Variants in TASP1 observed in about 807,000 individuals in gnomAD.
TASP1 encodes the protein taspase 1.
TASP1 carries 16 observed loss-of-function variants against 56.6 expected under a neutral mutation model. The observed-to-expected ratio is 0.28, with a 90% CI of 0.19 to 0.43. TASP1 has a LOEUF of 0.43. Ranked by LOEUF, TASP1 falls within the 20% of genes least tolerant of loss-of-function variation. The pLI, the probability that TASP1 is intolerant of heterozygous loss-of-function variation, is 1.00. For synonymous variants in TASP1, 179 were observed against 184.2 expected (o/e 0.97, Z 0.23); for missense variants, 393 against 511.6 (o/e 0.77, Z 2.24).
chr20:13,181,482 T>A, the TASP1 span, among the ~76,000 whole-genome samples: 1 of 152,130 alleles, frequency 6.6e-6, no homozygotes, highest in African/African-American at 2.4e-5. Context: ...ACATCTAATC[T>A]TGAGGTCTAT....
the TASP1 span, among the ~76,000 whole-genome samples, chr20:13,324,179 C>A: frequency 7.9e-4 from 121 of 152,294 alleles, no homozygotes; most frequent in African/African-American, 2.8e-3. Context: ...GCTTGTGTAC[C>A]TGTTTACAAC....
the TASP1 span, among the ~76,000 whole-genome samples, chr20:13,217,223 C>T: frequency 1.3e-5 from 2 of 152,142 alleles, no homozygotes; most frequent in East Asian, 1.9e-4. Context: ...TAATCTGAAA[C>T]GGAGGAAATT....
chr20:13,434,383 G>A (rs1208693987), intron 12 of TASP1, among the ~76,000 whole-genome samples: 3 of 151,970 alleles, frequency 2.0e-5, no homozygotes, highest in South Asian at 2.1e-4. Flanking sequence ...TGTGGTCAGC[G>A]GCAGCCCCAC....
In TASP1 at chr20:13,633,846, T is replaced by C. The variant is rs111555818; in HGVS notation, c.-74-3694A>G. On this transcript the variant is annotated intron_variant, in intron 1 of 13. Transcript: ENST00000337743. ...GGTTTAGACCAAAAAAAAAAAAAACTTCTATCAATCACTTTAATAATGGCT... is the reference window on the plus strand; with the variant it reads ...GGTTTAGACCAAAAAAAAAAAAAACCTCTATCAATCACTTTAATAATGGCT... Among the ~76,000 whole-genome samples, 1,146 of 151,792 alleles carry C rather than the reference T, an allele frequency of 7.5e-3. 10 individuals are homozygous for C. Among genetic ancestry groups the C allele is most frequent in the Middle Eastern group, 0.01 (3 of 294 alleles).
the TASP1 span, among the ~76,000 whole-genome samples, chr20:13,232,107 G>A: frequency 2.6e-5 from 4 of 152,212 alleles, no homozygotes; most frequent in African/African-American, 9.6e-5. Flanking sequence ...CTGGGAGATG[G>A]CAGTGAGGAC....
At chr20:13,490,624 G>T (rs1364318573) in intron 10 of TASP1, among the ~76,000 whole-genome samples, 1 of 152,044 alleles carries the variant, frequency 6.6e-6, no homozygotes, top group African/African-American at 2.4e-5. Context: ...AGGACAGCTT[G>T]CACATTTTAT....
the TASP1 span, among the ~76,000 whole-genome samples, chr20:13,114,622 GA>G: frequency 3.9e-5 from 6 of 152,318 alleles, no homozygotes; most frequent in African/African-American, 1.4e-4. Context: ...TAAGGATTGA[GA>G]ACTTCAGTGG....
chr20:13,507,797 G>T (rs1179337818), intron 10 of TASP1, among the ~76,000 whole-genome samples: 1 of 152,092 alleles, frequency 6.6e-6, no homozygotes, highest in Non-Finnish European at 1.5e-5. Flanking sequence ...GAAAAACAAG[G>T]GTGGAAGCAT....
chr20:13,621,350 G>C (rs560513623), intron 4 of TASP1, among the ~76,000 whole-genome samples: 18 of 152,150 alleles, frequency 1.2e-4, no homozygotes, highest in Admixed American at 4.6e-4. Context: ...AGAATCACTT[G>C]AGCCTGGGAG....
intron 8 of TASP1, among the ~76,000 whole-genome samples, chr20:13,552,538 G>A (rs925003430): frequency 7.9e-5 from 12 of 152,150 alleles, no homozygotes; most frequent in African/African-American, 2.9e-4. Context: ...TACTAAAGAG[G>A]ATCTTATCAA....
the TASP1 span, among the ~76,000 whole-genome samples, chr20:13,145,795 T>G: frequency 2.0e-5 from 3 of 152,168 alleles, no homozygotes; most frequent in African/African-American, 7.2e-5. Flanking sequence ...AACAGGCACA[T>G]AGACCAATGG....
chr20:13,322,854 A>G, the TASP1 span, among the ~76,000 whole-genome samples: 1 of 152,164 alleles, frequency 6.6e-6, no homozygotes, highest in Non-Finnish European at 1.5e-5. Context: ...ACAGATCTGG[A>G]TAAGCTCACA....
chr20:13,183,935 G>A, the TASP1 span, among the ~76,000 whole-genome samples: 14 of 151,580 alleles, frequency 9.2e-5, no homozygotes, highest in African/African-American at 1.2e-4. Flanking sequence ...AGGCTGAGGC[G>A]GGAGAATGGT....
At chr20:13,224,377 T>G in the TASP1 span, among the ~76,000 whole-genome samples, 1 of 152,234 alleles carries the variant, frequency 6.6e-6, no homozygotes, top group Admixed American at 6.5e-5. Flanking sequence ...AGACATTTAT[T>G]AGTCCATCGT....
At chr20:13,299,488 CCT>C in the TASP1 span, 1 of 1,569,762 alleles carries the variant, frequency 6.4e-7, no homozygotes, top group South Asian at 1.1e-5. This position sits in a 1 kb window ranked among gnomAD's most constrained non-coding sequence, Gnocchi z 5.8. Context: ...GAGGACGCTG[CCT>C]CTGGTTCTGG....
chr20:13,400,343 G>A (rs6074605), intron 13 of TASP1, among the ~76,000 whole-genome samples: 3 of 151,958 alleles, frequency 2.0e-5, no homozygotes, highest in Non-Finnish European at 4.4e-5. Context: ...TAAGGCTTCC[G>A]TCTTAGTCAG....
intron 8 of TASP1, among the ~76,000 whole-genome samples, chr20:13,539,820 G>A (rs2045556105): frequency 6.6e-6 from 1 of 152,114 alleles, no homozygotes; most frequent in South Asian, 2.1e-4. Flanking sequence ...CAACATTAAA[G>A]GTGGAAAAGG....
chr20:13,301,422 C>T, the TASP1 span, among the ~76,000 whole-genome samples: 1 of 152,176 alleles, frequency 6.6e-6, no homozygotes, highest in Non-Finnish European at 1.5e-5. Context: ...CTCCTGGCCT[C>T]AAGTGTTCTG....
At chr20:13,186,230 G>A in the TASP1 span, among the ~76,000 whole-genome samples, 1 of 152,170 alleles carries the variant, frequency 6.6e-6, no homozygotes, top group African/African-American at 2.4e-5. Context: ...TCCTGGCTCT[G>A]GCTGGGTATA....
Sources: gnomAD v4.1 joint callset for allele counts (sites outside exome capture counted in the v4.1 genomes callset) on GRCh38, gnomAD v4.1.1 for gene constraint, Gnocchi (gnomAD v3.1) non-coding constraint, MANE v1.5 for transcripts, NCBI Gene and HGNC (gene_info 2026-07-23, HGNC 2026-07-21) for gene names.